SPAG16: variants seen among roughly 807,000 people sequenced by gnomAD.
The protein encoded by SPAG16 is sperm-associated antigen 16 protein.
In SPAG16, 86 loss-of-function variants were observed where a neutral mutation model predicts 80.4. The observed-to-expected ratio is 1.07, with a 90% CI of 0.90 to 1.28. SPAG16 has a LOEUF of 1.28. Ranked by LOEUF, SPAG16 falls within the 50% of genes most tolerant of loss-of-function variation. The probability of loss-of-function intolerance (pLI) is 0.00; values close to 1 mark genes in which losing one functional copy is unlikely to be tolerated. For synonymous variants in SPAG16, 294 were observed against 265.9 expected (o/e 1.11, Z -1.03); for missense variants, 870 against 765.3 (o/e 1.14, Z -1.61).
In SPAG16 at chr2:213,910,689, C is replaced by T. The variant is rs1420408994; in HGVS notation, c.1215-19271C>T. ...AGTTTTAGTAGAGACAGGGTTTCAC[C>T]GTGTTAGCCAGAATGGTCTCGATCT... On this transcript the variant is annotated intron_variant, in intron 11 of 15. Coordinates refer to ENST00000331683, the MANE Select transcript of SPAG16 (RefSeq NM_024532.5). Among the ~76,000 whole-genome samples the T allele has an allele frequency of 5.0e-5, 2 of 39,656 alleles. 1 individual carries two copies. Among genetic ancestry groups the T allele is most frequent in the Non-Finnish European group, 1.8e-4 (2 of 11,402 alleles). 26.0% of individuals were successfully genotyped at this position (39,656 alleles called of 152,430 possible).
At chr2:214,203,128 A>G (rs1019964798) in intron 15 of SPAG16, among the ~76,000 whole-genome samples, 16 of 152,220 alleles carry the variant, frequency 1.1e-4, no homozygotes, top group African/African-American at 3.6e-4. Flanking sequence ...TCATTTTTCT[A>G]TATCTGTGAG....
At chr2:213,438,411 A>G (rs1316578009) in intron 9 of SPAG16, among the ~76,000 whole-genome samples, 1 of 152,222 alleles carries the variant, frequency 6.6e-6, no homozygotes, top group Non-Finnish European at 1.5e-5. Flanking sequence ...CTGTGATGGC[A>G]AGCTAGGGCC....
rs1418654577 is a variant in SPAG16, at chr2:213,485,518, CT to C, written c.943-4441del. Among the ~76,000 whole-genome samples, 2 of 151,212 alleles carry C rather than the reference CT, an allele frequency of 1.3e-5. 1 individual carries two copies. Among genetic ancestry groups the C allele is most frequent in the African/African-American group, 4.9e-5 (2 of 41,116 alleles). ...TATTGCTTCTTTATTTGCTTATTAT[CT>C]TTTGCATATTTCTACTCTAGCTTTT... On this transcript the variant is annotated intron_variant, in intron 9 of 15. Coordinates refer to ENST00000331683, the MANE Select transcript of SPAG16 (RefSeq NM_024532.5).
intron 15 of SPAG16, among the ~76,000 whole-genome samples, chr2:214,287,165 T>G (rs1693426325): frequency 6.6e-6 from 1 of 152,222 alleles, no homozygotes; most frequent in African/African-American, 2.4e-5. Flanking sequence ...GCCTGTTACT[T>G]TCTGAACCAT....
chr2:213,754,781 T>A (rs766449285), intron 10 of SPAG16, among the ~76,000 whole-genome samples: 1 of 152,178 alleles, frequency 6.6e-6, no homozygotes, highest in Non-Finnish European at 1.5e-5. Context: ...AATCATCTGG[T>A]GTGTGCTCAG....
intron 10 of SPAG16, among the ~76,000 whole-genome samples, chr2:213,539,527 TG>T (rs2076359252): frequency 6.6e-6 from 1 of 152,164 alleles, no homozygotes; most frequent in Non-Finnish European, 1.5e-5. Context: ...CACTATAGAA[TG>T]TTTGTGTCTT....
In SPAG16 at chr2:214,289,376, T is replaced by A. The variant is rs10191619; in HGVS notation, c.1721-120764T>A. ...AGTATTTTTACAGTTCCAGGTCTAA[T>A]GTTTAAGTTTTTCATGGATCTTGAG... On this transcript the variant is annotated intron_variant, in intron 15 of 15. Transcript: ENST00000331683. Among the ~76,000 whole-genome samples, 733 of 152,232 alleles carry A rather than the reference T, an allele frequency of 4.8e-3. 4 individuals are homozygous for A. The highest frequency in any genetic ancestry group is 0.017 in the African/African-American group (701 of 41,572).
intron 10 of SPAG16, among the ~76,000 whole-genome samples, chr2:213,608,949 C>T (rs1159349293): frequency 1.3e-5 from 2 of 152,230 alleles, no homozygotes; most frequent in Middle Eastern, 3.2e-3. Context: ...TCCCAAAGTA[C>T]TGGGATTACA....
At chr2:214,372,407 A>G (rs1233832421) in intron 15 of SPAG16, among the ~76,000 whole-genome samples, 2 of 152,244 alleles carry the variant, frequency 1.3e-5, no homozygotes, top group Non-Finnish European at 2.9e-5. Context: ...TTTCTTTCCT[A>G]AAACAAAAAA....
intron 13 of SPAG16, among the ~76,000 whole-genome samples, chr2:214,044,500 T>C (rs905343628): frequency 2.4e-4 from 37 of 152,260 alleles, no homozygotes; most frequent in African/African-American, 7.9e-4. Flanking sequence ...ATATAAAGCT[T>C]CATCCATCAT....
chr2:213,813,943 G>A (rs972158529), intron 10 of SPAG16, among the ~76,000 whole-genome samples: 2 of 152,134 alleles, frequency 1.3e-5, no homozygotes, highest in African/African-American at 4.8e-5. Flanking sequence ...GGCCTGTCTA[G>A]GATCGGGGCT....
intron 10 of SPAG16, among the ~76,000 whole-genome samples, chr2:213,760,925 G>T (rs542090124): frequency 2.6e-5 from 4 of 152,126 alleles, no homozygotes; most frequent in Non-Finnish European, 5.9e-5. Context: ...TAACTACCCC[G>T]CTACTTCAAT....
At chr2:214,108,935 C>T (rs1463346905) in intron 14 of SPAG16, among the ~76,000 whole-genome samples, 3 of 152,148 alleles carry the variant, frequency 2.0e-5, no homozygotes, top group African/African-American at 2.4e-5. Flanking sequence ...TTATGTGTCG[C>T]AAACTTAATC....
chr2:213,792,576 C>A (rs960638615), intron 10 of SPAG16, among the ~76,000 whole-genome samples: 2 of 78,252 alleles, frequency 2.6e-5, no homozygotes, highest in East Asian at 4.1e-4. Flanking sequence ...AAATGAGTAT[C>A]TTTTTTTTTT....
chr2:214,153,071 G>C (rs1309416669), intron 15 of SPAG16, among the ~76,000 whole-genome samples: 1 of 152,084 alleles, frequency 6.6e-6, no homozygotes, highest in East Asian at 1.9e-4. Context: ...TGGAGGAGCA[G>C]TCTTCTCTAA....
At chr2:214,171,449 A>T (rs1044002108) in intron 15 of SPAG16, among the ~76,000 whole-genome samples, 6 of 150,274 alleles carry the variant, frequency 4.0e-5, no homozygotes, top group Non-Finnish European at 7.5e-5. Context: ...TAGCATATCA[A>T]TAAATAGTTT....
At chr2:213,709,068 G>A (rs2065872993) in intron 10 of SPAG16, among the ~76,000 whole-genome samples, 1 of 152,132 alleles carries the variant, frequency 6.6e-6, no homozygotes, top group African/African-American at 2.4e-5. Context: ...TTATGGGGCA[G>A]ACACTTTGGT....
At chr2:213,869,267 AT>A (rs1328045871) in intron 11 of SPAG16, among the ~76,000 whole-genome samples, 769 of 63,606 alleles carry the variant, frequency 0.012, 21 homozygotes, top group African/African-American at 0.049. Flanking sequence ...AAAAAAAAAT[AT>A]ATATATATAT....
At chr2:213,555,150 A>T in intron 10 of SPAG16, among the ~76,000 whole-genome samples, 1 of 152,330 alleles carries the variant, frequency 6.6e-6, no homozygotes, top group African/African-American at 2.4e-5. Context: ...TCTCAGCAGA[A>T]ACCTTATAGT....
Sources: allele counts gnomAD v4.1 joint callset (sites outside exome capture counted in the v4.1 genomes callset), GRCh38; gene constraint gnomAD v4.1.1; transcripts MANE v1.5; gene names NCBI Gene and HGNC (gene_info 2026-07-23, HGNC 2026-07-21).